Variants in COL5A1 observed in about 807,000 individuals in gnomAD.
COL5A1 encodes the protein collagen alpha-1(V) chain.
In COL5A1, 16 loss-of-function variants were observed where a neutral mutation model predicts 263.7. That is an observed-to-expected ratio of 0.06 (90% CI 0.04 to 0.09). COL5A1 has a LOEUF of 0.09. COL5A1 is among the 10% of genes least tolerant of loss of function. The pLI is 1.00. For synonymous variants in COL5A1, 1,012 were observed against 1,004.5 expected (o/e 1.01, Z -0.14); for missense variants, 2,036 against 2,540.5 (o/e 0.80, Z 4.27).
At chr9:134,816,063 C>A in intron 52 of COL5A1, 75 bp downstream of exon 52, 2 of 1,470,286 alleles carry the variant, frequency 1.4e-6, no homozygotes, top group Non-Finnish European at 1.9e-6. Flanking sequence ...TTGCTTGACT[C>A]ATTTCTGGGA....
chr9:134,792,291 G>A (rs1837718291), intron 32 of COL5A1, among the ~76,000 whole-genome samples: 1 of 152,208 alleles, frequency 6.6e-6, no homozygotes, highest in East Asian at 1.9e-4. Flanking sequence ...GTCCCAGTGT[G>A]GGGCAGGAAT....
Position 134,824,666 on chromosome 9 carries a change from G to A in COL5A1, c.4765G>A (p.Ala1589Thr), listed in dbSNP as rs377138881. 2.5e-5 allele frequency: 41 copies of A among 1,614,084 alleles called. No homozygotes were observed. In the East Asian group the frequency reaches 3.3e-4, roughly 13 times the overall value. Reference protein sequence around the residue: ...QASRTRRNIDASQLLDDGNGE... With the variant: ...QASRTRRNIDTSQLLDDGNGE... ...ATCCAGGACGCGGCGGAACATCGAC[G>A]CCAGCCAGCTGCTGGACGACGGGAA... The change falls in exon 62 of 66, where the codon GCC becomes ACC. Residue 1589 changes from alanine (A) to threonine (T), a missense_variant. Around this residue, in one of 3 missense-constraint regions of COL5A1, gnomAD observed 358 missense variants for 384.6 expected, o/e 0.93. Coordinates refer to ENST00000371817, the MANE Select transcript of COL5A1 (RefSeq NM_000093.5).
At position 134,754,269 on chromosome 9, in the gene COL5A1, G is replaced by T; in HGVS notation, c.1774-4G>T. 1 of 1,613,752 alleles carries T rather than the reference G, an allele frequency of 6.2e-7. No individual in the cohort carries two copies. The highest frequency in any genetic ancestry group is 8.5e-7 in the Non-Finnish European group (1 of 1,180,020). On this transcript the variant is annotated splice_polypyrimidine_tract_variant and splice_region_variant and intron_variant, in intron 15 of 65. Coordinates refer to ENST00000371817, the MANE Select transcript of COL5A1 (RefSeq NM_000093.5). The surrounding 1 kb of genome is among the most constrained non-coding windows in gnomAD (Gnocchi z 4.3). Reference sequence around the variant, plus strand: ...ACTGACCCTTTGTCTCTTACCCCTGGCAGGGTCCTCGAGGTGTGCAAGGCC... The same window carrying T: ...ACTGACCCTTTGTCTCTTACCCCTGTCAGGGTCCTCGAGGTGTGCAAGGCC...
chr9:134,798,412 C>T lies in COL5A1; in HGVS notation c.2903C>T (p.Pro968Leu). The T allele has an allele frequency of 1.2e-6, 2 of 1,614,122 alleles. No homozygotes were observed. The highest frequency in any genetic ancestry group is 1.7e-6 in the Non-Finnish European group (2 of 1,179,976). Residue 968 changes from proline to leucine, a missense_variant, in exon 37 of 66, where the codon CCT becomes CTT. Pro to Leu is a moderately conservative substitution (Grantham distance 98). Coordinates refer to ENST00000371817, the MANE Select transcript of COL5A1 (RefSeq NM_000093.5). ...GFPGPKGPPGPPGKDGLPGHP... is the reference protein window; with the variant it reads ...GFPGPKGPPGLPGKDGLPGHP... Reference sequence around the variant, plus strand: ...TTCCTTTGGTTTTTTCTTCAGGGCCCTCCAGGCAAGGATGGACTCCCAGGA... The same window carrying T: ...TTCCTTTGGTTTTTTCTTCAGGGCCTTCCAGGCAAGGATGGACTCCCAGGA...
At chr9:134,648,977 C>T (rs1425803227) in intron 1 of COL5A1, among the ~76,000 whole-genome samples, 2 of 151,972 alleles carry the variant, frequency 1.3e-5, no homozygotes, top group Non-Finnish European at 2.9e-5. Flanking sequence ...GTGGATGGAC[C>T]TGTGCACCTC....
At chr9:134,835,896 G>A (rs1346894962) in intron 65 of COL5A1, among the ~76,000 whole-genome samples, 1 of 152,194 alleles carries the variant, frequency 6.6e-6, no homozygotes, top group East Asian at 1.9e-4. Flanking sequence ...GGATGTGCCC[G>A]CGTGTCCTGG....
chr9:134,693,949 G>A (rs1343038249), intron 2 of COL5A1, among the ~76,000 whole-genome samples: 1 of 152,212 alleles, frequency 6.6e-6, no homozygotes, highest in Non-Finnish European at 1.5e-5. Context: ...GTCTCGGGGA[G>A]CAGCAGCATC....
chr9:134,761,885 C>G (rs1433876605), intron 18 of COL5A1, 40 bp from the exon 19 acceptor site: 1 of 1,606,550 alleles, frequency 6.2e-7, no homozygotes, highest in African/African-American at 1.3e-5. Flanking sequence ...CCTGCATGAC[C>G]TGCTCAGGAG....
chr9:134,676,303 G>A (rs1564380098), intron 1 of COL5A1, among the ~76,000 whole-genome samples: 2 of 152,176 alleles, frequency 1.3e-5, no homozygotes, highest in Admixed American at 6.5e-5. Flanking sequence ...GAAAGGGATT[G>A]TGCTTTATAA....
rs1836906604 is a variant in COL5A1, at chr9:134,772,772, C to T, written c.2287-18C>T. ...CTGGAGTGGCACTGACTAATCAATG[C>T]TTCTTCTTTTGTGACAGGGACACCC... is the stretch of plus-strand genomic sequence containing the variant. On this transcript the variant is annotated intron_variant, in intron 25 of 65. Transcript: ENST00000371817. 6.2e-7 allele frequency: 1 copy of T among 1,613,864 alleles called. No homozygotes were observed. The highest frequency in any genetic ancestry group is 1.3e-5 in the African/African-American group (1 of 74,936).
At chr9:134,655,343 G>T (rs1303841405) in intron 1 of COL5A1, among the ~76,000 whole-genome samples, 1 of 151,968 alleles carries the variant, frequency 6.6e-6, no homozygotes, top group African/African-American at 2.4e-5. Flanking sequence ...GCTCAGAGAA[G>T]CACAGAGCCC....
intron 28 of COL5A1, 197 bp from the exon 29 acceptor site, chr9:134,782,470 G>A (rs1378715938): frequency 1.5e-5 from 10 of 677,330 alleles, no homozygotes; most frequent in East Asian, 5.0e-5. Flanking sequence ...GCTTCAGAAC[G>A]TTACAGCTGG....
rs369317619 is a variant in COL5A1 at position 134,766,989 on chromosome 9, G to C, written c.2134-11G>C. 1.1e-4 allele frequency: 184 copies of C among 1,613,294 alleles called. No individual in the cohort carries two copies. Among genetic ancestry groups the C allele is most frequent in the South Asian group, 2.3e-4 (21 of 90,944 alleles). Reference sequence around the variant, plus strand: ...AGCCCCCTTCAGTGCCTTTGCTCTTGTCTCCTGTAGGGTCCCCAGGGAGAG... The same window carrying C: ...AGCCCCCTTCAGTGCCTTTGCTCTTCTCTCCTGTAGGGTCCCCAGGGAGAG... On this transcript the variant is annotated splice_polypyrimidine_tract_variant and intron_variant, in intron 22 of 65. Coordinates refer to ENST00000371817, the MANE Select transcript of COL5A1 (RefSeq NM_000093.5).
rs144731049 is a variant in COL5A1 at position 134,656,646 on chromosome 9, G to A, written c.109+14350G>A. 1.6e-3 allele frequency among the ~76,000 whole-genome samples: 248 copies of A among 152,156 alleles called. 2 individuals are homozygous for A. Among genetic ancestry groups the A allele is most frequent in the African/African-American group, 5.6e-3 (231 of 41,486 alleles). ...CAGGTGCACTCGTGGTATTGATAAC[G>A]ATGCCTGCTGCTTTTATTGGGATGG... On this transcript the variant is annotated intron_variant, in intron 1 of 65. Transcript: ENST00000371817.
chr9:134,809,337 C>T (rs377736191), intron 43 of COL5A1, 47 bp downstream of exon 43: 122 of 1,428,516 alleles, frequency 8.5e-5, no homozygotes, highest in Admixed American at 1.1e-4. Flanking sequence ...GCTGGGCAGA[C>T]GGGTGTGGGG....
At chr9:134,767,097 G>A in intron 23 of COL5A1, 44 bp downstream of exon 23, 1 of 1,599,240 alleles carries the variant, frequency 6.3e-7, no homozygotes, top group Non-Finnish European at 8.5e-7. Context: ...TCCGGCCGTG[G>A]GAGGCACACG....
chr9:134,838,117 T>C (rs1315618717), intron 65 of COL5A1, among the ~76,000 whole-genome samples: 1 of 152,260 alleles, frequency 6.6e-6, no homozygotes, highest in South Asian at 2.1e-4. Context: ...CCGTCAGCCA[T>C]GCAGAGGGAA....
At chr9:134,723,108 G>C (rs1564411714) in intron 4 of COL5A1, among the ~76,000 whole-genome samples, 1 of 152,146 alleles carries the variant, frequency 6.6e-6, no homozygotes, top group Non-Finnish European at 1.5e-5. Flanking sequence ...AGTCTGGAAG[G>C]AGAGGAACCT....
chr9:134,795,414 A>T, intron 34 of COL5A1, 99 bp downstream of exon 34: 17 of 623,542 alleles, frequency 2.7e-5, no homozygotes, highest in Admixed American at 8.4e-5. Context: ...TTTTTTATTA[A>T]AAAAAAAAAA....
Sources: gnomAD v4.1 joint callset for allele counts (sites outside exome capture counted in the v4.1 genomes callset) on GRCh38, gnomAD v4.1.1 for gene constraint, gnomAD v4.1.1 regional missense constraint, Gnocchi (gnomAD v3.1) non-coding constraint, MANE v1.5 for transcripts, NCBI Gene and HGNC (gene_info 2026-07-23, HGNC 2026-07-21) for gene names.